The following MAF variants were observed in gnomAD, a reference collection of about 807,000 sequenced individuals.
MAF encodes transcription factor Maf.
In MAF, 10 loss-of-function variants were observed where a neutral mutation model predicts 22.0. That is an observed-to-expected ratio of 0.45 (90% CI 0.28 to 0.77). The LOEUF is 0.77. MAF is among the 30% of genes least tolerant of loss of function. The probability of loss-of-function intolerance (pLI) is 0.12; values close to 1 mark genes in which losing one functional copy is unlikely to be tolerated. For synonymous variants in MAF, 337 were observed against 255.8 expected (o/e 1.32, Z -3.03); for missense variants, 544 against 548.4 (o/e 0.99, Z 0.08).
the MAF span, chr16:79,505,711 G>A: frequency 2.6e-5 from 4 of 152,398 alleles, no homozygotes; most frequent in African/African-American, 9.6e-5. Flanking sequence ...CAAATAAGGT[G>A]AGGCGACTGG....
chr16:79,295,972 G>T, the MAF span, among the ~76,000 whole-genome samples: 5 of 152,214 alleles, frequency 3.3e-5, no homozygotes. Flanking sequence ...ACCTCCTGCG[G>T]TCTGTAAGCT....
chr16:79,451,762 C>T, the MAF span, among the ~76,000 whole-genome samples: 20 of 152,278 alleles, frequency 1.3e-4, no homozygotes, highest in African/African-American at 4.8e-4. Context: ...TTCCCCTTCC[C>T]CAAGGCTTCT....
chr16:79,338,517 C>T, the MAF span, among the ~76,000 whole-genome samples: 1 of 152,034 alleles, frequency 6.6e-6, no homozygotes, highest in African/African-American at 2.4e-5. Flanking sequence ...TTAAAGATAT[C>T]CAATGAGAAC....
the MAF span, among the ~76,000 whole-genome samples, chr16:79,374,813 T>A: frequency 6.6e-6 from 1 of 152,242 alleles, no homozygotes; most frequent in Non-Finnish European, 1.5e-5. Context: ...TGTTTTATAG[T>A]ATCTCATTAA....
chr16:79,546,303 T>A, the MAF span, among the ~76,000 whole-genome samples: 1 of 152,146 alleles, frequency 6.6e-6, no homozygotes, highest in Non-Finnish European at 1.5e-5. Flanking sequence ...AGAGAATTTT[T>A]TTTTTTCAGA....
the MAF span, among the ~76,000 whole-genome samples, chr16:79,416,579 A>T: frequency 6.6e-6 from 1 of 152,048 alleles, no homozygotes; most frequent in African/African-American, 2.4e-5. Context: ...TTAAATATCC[A>T]GGAGGGAGTG....
At chr16:79,457,629 T>G in the MAF span, among the ~76,000 whole-genome samples, 16 of 152,186 alleles carry the variant, frequency 1.1e-4, no homozygotes, top group Non-Finnish European at 2.2e-4. Context: ...TACATTTGTA[T>G]GTACTTCACC....
chr16:79,401,002 G>T, the MAF span, among the ~76,000 whole-genome samples: 3 of 152,316 alleles, frequency 2.0e-5, no homozygotes, highest in African/African-American at 4.8e-5. Context: ...TGGGGCCACA[G>T]ACTCTGTCCG....
the MAF span, among the ~76,000 whole-genome samples, chr16:79,294,249 C>T: frequency 6.6e-6 from 1 of 152,202 alleles, no homozygotes; most frequent in Non-Finnish European, 1.5e-5. Flanking sequence ...TGATATCCTT[C>T]CTCTTAGACT....
chr16:79,369,960 C>G, the MAF span, among the ~76,000 whole-genome samples: 1 of 152,346 alleles, frequency 6.6e-6, no homozygotes, highest in Non-Finnish European at 1.5e-5. Context: ...TCCCAACCTT[C>G]TGTAGCTATT....
At chr16:79,368,270 C>A in the MAF span, among the ~76,000 whole-genome samples, 5 of 152,144 alleles carry the variant, frequency 3.3e-5, no homozygotes, top group African/African-American at 4.8e-5. Flanking sequence ...ACATCCCTGG[C>A]TCTTGAGGCT....
the MAF span, among the ~76,000 whole-genome samples, chr16:79,276,989 G>C: frequency 6.6e-6 from 1 of 152,146 alleles, no homozygotes; most frequent in South Asian, 2.1e-4. Context: ...ATTTCTCATG[G>C]TGTTTTCTCT....
the MAF span, among the ~76,000 whole-genome samples, chr16:79,308,066 A>C: frequency 6.6e-6 from 1 of 152,184 alleles, no homozygotes; most frequent in Non-Finnish European, 1.5e-5. Flanking sequence ...AATGGTGATA[A>C]TATCTGACAG....
chr16:79,560,287 T>A, the MAF span, among the ~76,000 whole-genome samples: 4 of 152,020 alleles, frequency 2.6e-5, no homozygotes, highest in Admixed American at 6.5e-5. Flanking sequence ...ATTGGTTAAA[T>A]CATGAAGTGA....
chr16:79,400,966 C>A, the MAF span, among the ~76,000 whole-genome samples: 2 of 152,242 alleles, frequency 1.3e-5, no homozygotes, highest in African/African-American at 4.8e-5. Flanking sequence ...CACAGCAGGG[C>A]TCACACATAC....
At chr16:79,269,076 T>C in the MAF span, among the ~76,000 whole-genome samples, 1 of 152,218 alleles carries the variant, frequency 6.6e-6, no homozygotes, top group African/African-American at 2.4e-5. Context: ...GAAAGCAGCT[T>C]TAATGTCTTG....
chr16:79,407,107 G>T, the MAF span, among the ~76,000 whole-genome samples: 1 of 152,186 alleles, frequency 6.6e-6, no homozygotes. Flanking sequence ...GTGTCGTCTG[G>T]CAGTGCTATC....
chr16:79,596,145 G>C (rs1913511187), intron 1 of MAF: 2 of 1,062,648 alleles, frequency 1.9e-6, no homozygotes, highest in Non-Finnish European at 2.3e-6. Flanking sequence ...GGATGGCTTT[G>C]CTCCTGATCA....
At chr16:79,478,376 A>G in the MAF span, among the ~76,000 whole-genome samples, 3 of 152,178 alleles carry the variant, frequency 2.0e-5, no homozygotes, top group African/African-American at 7.2e-5. Flanking sequence ...TCAAATGGCC[A>G]AGAGTGGTGG....
Sources: gnomAD v4.1 joint callset for allele counts (sites outside exome capture counted in the v4.1 genomes callset) on GRCh38, gnomAD v4.1.1 for gene constraint, MANE v1.5 for transcripts, NCBI Gene and HGNC (gene_info 2026-07-23, HGNC 2026-07-21) for gene names.